The following LRP1B variants were observed in gnomAD, a reference collection of about 807,000 sequenced individuals.
LRP1B encodes LDL receptor related protein 1B, also known as low-density lipoprotein receptor-related protein 1B.
In LRP1B, 217 loss-of-function variants were observed where a neutral mutation model predicts 556.6. The ratio of observed to expected loss-of-function variants is 0.39; its 90% CI spans 0.35 to 0.44. The LOEUF is 0.44. Ranked by LOEUF, LRP1B falls within the 20% of genes least tolerant of loss-of-function variation. The probability of loss-of-function intolerance (pLI) is 1.00; values close to 1 mark genes in which losing one functional copy is unlikely to be tolerated. For synonymous variants in LRP1B, 2,047 were observed against 1,865.8 expected (o/e 1.10, Z -2.50); for missense variants, 5,053 against 5,620.8 (o/e 0.90, Z 3.23).
At chr2:141,757,577 C>A (rs1235396214) in intron 2 of LRP1B, among the ~76,000 whole-genome samples, 1 of 151,958 alleles carries the variant, frequency 6.6e-6, no homozygotes, top group Non-Finnish European at 1.5e-5. Context: ...TTTTTTGAGA[C>A]AATCTTGCTC....
chr2:141,544,386 TCCTCCTC>T lies in LRP1B; in HGVS notation c.206-63860_206-63854del, dbSNP rs1685467335. On this transcript the variant is annotated intron_variant, in intron 2 of 90. Transcript: ENST00000389484. ...CTTCTTCTTCTTCTTCTTCTTCTCC[TCCTCCTC>T]CTCCTCCTCCTCCTCCTCCTTCTCC... is the stretch of plus-strand genomic sequence containing the variant. Among the ~76,000 whole-genome samples, 10 of 80,316 alleles carry T rather than the reference TCCTCCTC, an allele frequency of 1.2e-4. 1 individual carries two copies. The highest frequency in any genetic ancestry group is 3.1e-4 in the Admixed American group (2 of 6,532). The allele number at this position is 80,316 out of a possible 152,430, so 52.7% of individuals were successfully genotyped here. A position where few individuals can be genotyped will look rare whatever the true frequency, so the allele number is the denominator to read the frequency against.
At chr2:140,474,409 A>G (rs1687885840) in intron 60 of LRP1B, among the ~76,000 whole-genome samples, 1 of 151,900 alleles carries the variant, frequency 6.6e-6, no homozygotes, top group Non-Finnish European at 1.5e-5. Flanking sequence ...TAACATGCAG[A>G]CTTTATTTGG....
chr2:141,770,824 C>T (rs949891722), intron 2 of LRP1B, among the ~76,000 whole-genome samples: 1 of 152,102 alleles, frequency 6.6e-6, no homozygotes, highest in Admixed American at 6.5e-5. Flanking sequence ...AAATGAGTTG[C>T]CTGTTAATAA....
Position 140,249,046 on chromosome 2 carries a change from A to T in LRP1B, c.13248-1884T>A, listed in dbSNP as rs199677667. ...CTTTATACATTATCTCATTTAAAAG[A>T]AAAAAAAAACTAAATCAGGTTCATC... On this transcript the variant is annotated intron_variant, in intron 86 of 90. Transcript: ENST00000389484. 1.2e-3 allele frequency among the ~76,000 whole-genome samples: 3 copies of T among 2,542 alleles called. No homozygotes were observed. The East Asian group carries it at 0.19, about 159-fold the overall frequency. 1.7% of individuals were successfully genotyped at this position (2,542 alleles called of 152,430 possible).
intron 1 of LRP1B, among the ~76,000 whole-genome samples, chr2:142,027,618 C>T (rs190404981): frequency 1.6e-3 from 247 of 151,730 alleles, no homozygotes; most frequent in African/African-American, 5.7e-3. Context: ...TTATTTCTCA[C>T]AATAATCCAC....
At chr2:141,137,881 AT>A (rs553827147) in intron 7 of LRP1B, among the ~76,000 whole-genome samples, 201 of 145,664 alleles carry the variant, frequency 1.4e-3, no homozygotes, top group Middle Eastern at 3.6e-3. Flanking sequence ...CATGTTATGG[AT>A]TTTTTTTTTT....
At chr2:141,803,152 T>C (rs529670914) in intron 2 of LRP1B, among the ~76,000 whole-genome samples, 1 of 151,880 alleles carries the variant, frequency 6.6e-6, no homozygotes, top group Admixed American at 6.6e-5. Flanking sequence ...GGTGAGACTT[T>C]TGTCATTGCT....
intron 1 of LRP1B, among the ~76,000 whole-genome samples, chr2:141,916,128 G>A (rs1409243486): frequency 1.3e-5 from 2 of 152,124 alleles, no homozygotes; most frequent in Non-Finnish European, 2.9e-5. Flanking sequence ...GCACTCATAT[G>A]TTCACTGCAG....
At chr2:141,020,847 T>G (rs571076308) in intron 11 of LRP1B, among the ~76,000 whole-genome samples, 1 of 152,084 alleles carries the variant, frequency 6.6e-6, no homozygotes, top group Admixed American at 6.6e-5. Context: ...AGGCAGTTAC[T>G]TATGGTCTAT....
At chr2:141,652,713 A>C (rs1689844523) in intron 2 of LRP1B, among the ~76,000 whole-genome samples, 1 of 152,228 alleles carries the variant, frequency 6.6e-6, no homozygotes, top group African/African-American at 2.4e-5. Flanking sequence ...AATACAGAGA[A>C]ATACTTGATT....
At chr2:141,108,857 G>C (rs930082337) in intron 7 of LRP1B, among the ~76,000 whole-genome samples, 1 of 152,106 alleles carries the variant, frequency 6.6e-6, no homozygotes, top group Admixed American at 6.6e-5. Flanking sequence ...GATATATTTA[G>C]TTGATAGTTT....
chr2:140,843,085 GTTTT>G (rs1325879382), intron 29 of LRP1B, among the ~76,000 whole-genome samples: 1 of 20,032 alleles, frequency 5.0e-5, no homozygotes, highest in African/African-American at 1.6e-4. Context: ...TTTTTTGTTT[GTTTT>G]TTTTTTTTTT....
intron 2 of LRP1B, among the ~76,000 whole-genome samples, chr2:141,633,518 C>T (rs1001594075): frequency 2.2e-4 from 34 of 151,978 alleles, no homozygotes; most frequent in African/African-American, 8.2e-4. Context: ...TTATTTCTTT[C>T]CCAGGAAAGT....
intron 41 of LRP1B, among the ~76,000 whole-genome samples, chr2:140,680,690 C>A (rs1020717894): frequency 6.6e-6 from 1 of 152,076 alleles, no homozygotes; most frequent in East Asian, 1.9e-4. Flanking sequence ...TCACTATTCC[C>A]AAAGCCCATA....
intron 3 of LRP1B, among the ~76,000 whole-genome samples, chr2:141,378,009 A>G (rs923629043): frequency 6.6e-6 from 1 of 152,198 alleles, no homozygotes; most frequent in African/African-American, 2.4e-5. Context: ...TTGTTTAGCT[A>G]ATAATGAACA....
At chr2:141,855,735 C>G (rs185188820) in intron 1 of LRP1B, among the ~76,000 whole-genome samples, 1 of 152,160 alleles carries the variant, frequency 6.6e-6, no homozygotes, top group Non-Finnish European at 1.5e-5. Flanking sequence ...GCAGATGACT[C>G]TCCTCCTCCC....
intron 7 of LRP1B, among the ~76,000 whole-genome samples, chr2:141,138,303 G>T (rs911425466): frequency 6.6e-6 from 1 of 151,850 alleles, no homozygotes; most frequent in Admixed American, 6.6e-5. Context: ...AGAAACTTAC[G>T]GGTAGTATAC....
chr2:141,270,243 A>C (rs1685039419), intron 3 of LRP1B, among the ~76,000 whole-genome samples: 3 of 152,138 alleles, frequency 2.0e-5, no homozygotes, highest in Non-Finnish European at 4.4e-5. Flanking sequence ...CTTCACACTC[A>C]TTAAGACAGC....
intron 3 of LRP1B, among the ~76,000 whole-genome samples, chr2:141,266,507 A>G (rs1201991436): frequency 6.7e-6 from 1 of 150,230 alleles, no homozygotes; most frequent in South Asian, 2.1e-4. Context: ...AAATTAAACA[A>G]AAAACCAAAG....
Sources: allele counts gnomAD v4.1 joint callset (sites outside exome capture counted in the v4.1 genomes callset), GRCh38; gene constraint gnomAD v4.1.1; transcripts MANE v1.5; gene names NCBI Gene and HGNC (gene_info 2026-07-23, HGNC 2026-07-21).